The following PRCP variants were observed in gnomAD, a reference collection of about 807,000 sequenced individuals.
The protein encoded by PRCP is prolylcarboxypeptidase, also known as lysosomal Pro-X carboxypeptidase.
In PRCP, 46 loss-of-function variants were observed where a neutral mutation model predicts 54.2. The observed-to-expected ratio is 0.85, with a 90% CI of 0.67 to 1.09. The LOEUF is 1.09. PRCP is among the 50% of genes least tolerant of loss of function. The probability of loss-of-function intolerance (pLI) is 0.00; values close to 1 mark genes in which losing one functional copy is unlikely to be tolerated. For missense variants in PRCP, 613 were observed against 596.8 expected, an observed-to-expected ratio of 1.03 and a Z score of -0.28; for synonymous variants, 240 against 212.2, an observed-to-expected ratio of 1.13 and a Z score of -1.14.
intron 8 of PRCP, among the ~76,000 whole-genome samples, chr11:82,833,679 G>C (rs1858447786): frequency 6.6e-6 from 1 of 152,098 alleles, no homozygotes; most frequent in Non-Finnish European, 1.5e-5. Flanking sequence ...TTTGAGCATA[G>C]ATATTTGCCA....
At chr11:82,865,310 G>A (rs1246914985) in intron 1 of PRCP, among the ~76,000 whole-genome samples, 4 of 152,094 alleles carry the variant, frequency 2.6e-5, no homozygotes, top group African/African-American at 7.2e-5. Flanking sequence ...CTCGGTAGGC[G>A]ACACTTAAGA....
rs186474890 is a variant in PRCP at position 82,839,143 on chromosome 11, C to T, written c.1086+118G>A. 4,050 of 1,046,902 alleles carry T rather than the reference C, an allele frequency of 3.9e-3. 22 individuals carry two copies. Among genetic ancestry groups the T allele is most frequent in the Non-Finnish European group, 3.8e-3 (2,718 of 719,074 alleles). The allele number at this position is 1,046,902 out of a possible 1,614,324, so 64.9% of individuals were successfully genotyped here. ...TCCATAGTATCACAGCATAAGGTAACAGAGCCCAAAACTGGATCCAGGTTA... is the reference window on the plus strand; with the variant it reads ...TCCATAGTATCACAGCATAAGGTAATAGAGCCCAAAACTGGATCCAGGTTA... On this transcript the variant is annotated intron_variant, in intron 7 of 8. Transcript: ENST00000313010.
intron 3 of PRCP, among the ~76,000 whole-genome samples, chr11:82,850,724 A>C (rs969501526): frequency 2.6e-5 from 4 of 152,232 alleles, no homozygotes; most frequent in Admixed American, 2.6e-4. Flanking sequence ...TTTTGTATGC[A>C]AGTAGATTGT....
chr11:82,843,891 G>T (rs1324613083), intron 6 of PRCP, among the ~76,000 whole-genome samples: 2 of 150,800 alleles, frequency 1.3e-5, no homozygotes, highest in Non-Finnish European at 2.9e-5. Context: ...TAAAAACCAT[G>T]AATGCAAGAA....
intron 1 of PRCP, among the ~76,000 whole-genome samples, chr11:82,874,042 A>G (rs1280733633): frequency 6.6e-6 from 1 of 152,190 alleles, no homozygotes; most frequent in Non-Finnish European, 1.5e-5. Context: ...TTGCACATTC[A>G]TCCGGTCTAA....
intron 6 of PRCP, among the ~76,000 whole-genome samples, chr11:82,844,036 G>A (rs55741957): frequency 2.1e-4 from 31 of 149,474 alleles, no homozygotes; most frequent in Non-Finnish European, 3.5e-4. Context: ...CAACCCAGAC[G>A]TCAACCACAA....
chr11:82,855,603 A>G lies in PRCP; in HGVS notation c.310-2325T>C, dbSNP rs539831647. 1.8e-4 allele frequency among the ~76,000 whole-genome samples: 28 copies of G among 152,314 alleles called. No homozygotes were observed. The South Asian group carries it at 5.8e-3, about 32-fold the overall frequency. ...CACTGCACTCGAGCCTGGGCAACAG[A>G]GCGAGACTCTGTTCAAAAAATAATA... On this transcript the variant is annotated intron_variant, in intron 2 of 8. Coordinates refer to ENST00000313010, the MANE Select transcript of PRCP (RefSeq NM_005040.4).
At chr11:82,828,602 G>C (rs1449700987) in intron 8 of PRCP, 1 of 152,098 alleles carries the variant, frequency 6.6e-6, no homozygotes, top group Non-Finnish European at 1.5e-5. Context: ...TGGTTACAAA[G>C]CCTGAAATAA....
intron 7 of PRCP, among the ~76,000 whole-genome samples, chr11:82,838,798 C>G (rs1858592369): frequency 6.6e-6 from 1 of 152,164 alleles, no homozygotes; most frequent in South Asian, 2.1e-4. Flanking sequence ...CCCTTCATAG[C>G]AAACTGCTTG....
At chr11:82,851,294 CTAATGAATAGAATGGGGCAGAAA>C in intron 3 of PRCP, among the ~76,000 whole-genome samples, 1 of 151,946 alleles carries the variant, frequency 6.6e-6, no homozygotes, top group South Asian at 2.1e-4. Flanking sequence ...TGACTTGGTT[CTAATGAATAGAATGGGGCAGAAA>C]TAATGATATG....
At chr11:82,837,953 T>C (rs1858565879) in intron 8 of PRCP, among the ~76,000 whole-genome samples, 1 of 152,222 alleles carries the variant, frequency 6.6e-6, no homozygotes, top group African/African-American at 2.4e-5. Context: ...AAAAACTACT[T>C]CACAGGGTTG....
chr11:82,892,284 GATTAT>G (rs1404124316), intron 1 of PRCP, among the ~76,000 whole-genome samples: 2 of 152,050 alleles, frequency 1.3e-5, no homozygotes, highest in African/African-American at 4.8e-5. Flanking sequence ...TTCAAAAAGC[GATTAT>G]ATTAATAATA....
At chr11:82,886,284 T>A (rs1329677973) in intron 1 of PRCP, among the ~76,000 whole-genome samples, 3 of 152,206 alleles carry the variant, frequency 2.0e-5, no homozygotes, top group Non-Finnish European at 1.5e-5. Flanking sequence ...TTCCTGAATT[T>A]TTTTAATTCT....
Position 82,824,873 on chromosome 11 carries a change from T to C in PRCP, c.*33A>G. The C allele has an allele frequency of 6.3e-7, 1 of 1,577,412 alleles. No individual in the cohort carries two copies. Among genetic ancestry groups the C allele is most frequent in the Non-Finnish European group, 8.7e-7 (1 of 1,152,380 alleles). On this transcript the variant is annotated 3_prime_UTR_variant, in exon 9 of 9. Coordinates refer to ENST00000313010, the MANE Select transcript of PRCP (RefSeq NM_005040.4). ...GAATGGGAATGTGGTGGTGTGAACA[T>C]AAAAGAAGAAATTGAAAACAATCAA...
rs1451852190 is a variant in PRCP, at chr11:82,849,056, G to A, written c.914C>T (p.Pro305Leu). Residue 305 changes from proline to leucine, a missense_variant, in exon 6 of 9, where the codon CCT becomes CTT. Transcript: ENST00000313010. ...SNFLQPLPAW[P>L]IKVVCQYLKN... ...AGGACATTTTCCTATTACCTTGATA[G>A]GCCAAGCAGGCAAAGGCTGTAAAAA... 10 of 1,612,780 alleles carry A rather than the reference G, an allele frequency of 6.2e-6. No homozygotes were observed. The highest frequency in any genetic ancestry group is 1.7e-5 in the Admixed American group (1 of 59,818).
intron 1 of PRCP, among the ~76,000 whole-genome samples, chr11:82,869,505 G>A (rs1859428233): frequency 6.6e-6 from 1 of 151,932 alleles, no homozygotes; most frequent in Non-Finnish European, 1.5e-5. Context: ...AGAAAGGGAG[G>A]AAAGAAACCT....
At chr11:82,832,452 C>T (rs1858411559) in intron 8 of PRCP, among the ~76,000 whole-genome samples, 1 of 152,154 alleles carries the variant, frequency 6.6e-6, no homozygotes, top group East Asian at 1.9e-4. Flanking sequence ...CTCTAATGAT[C>T]AGTGATGATG....
At chr11:82,887,008 C>T (rs1029500313) in intron 1 of PRCP, among the ~76,000 whole-genome samples, 1 of 152,200 alleles carries the variant, frequency 6.6e-6, no homozygotes, top group African/African-American at 2.4e-5. Flanking sequence ...CCAAGGTCAT[C>T]ATCTTTGACC....
chr11:82,860,324 G>A (rs1850364107), intron 1 of PRCP, among the ~76,000 whole-genome samples: 1 of 151,070 alleles, frequency 6.6e-6, no homozygotes, highest in African/African-American at 2.4e-5. Context: ...AGTAATATTT[G>A]CTATTGGTGA....
Sources: gnomAD v4.1 joint callset for allele counts (sites outside exome capture counted in the v4.1 genomes callset) on GRCh38, gnomAD v4.1.1 for gene constraint, MANE v1.5 for transcripts, NCBI Gene and HGNC (gene_info 2026-07-23, HGNC 2026-07-21) for gene names.